Variants in EDIL3 observed in about 807,000 individuals in gnomAD.
EDIL3 encodes the protein EGF like and discoidin domains 3, also known as EGF-like repeat and discoidin I-like domain-containing protein 3.
A neutral mutation model predicts 67.4 loss-of-function variants in EDIL3; 37 were observed. The observed-to-expected ratio is 0.55, with a 90% confidence interval of 0.42 to 0.72. The LOEUF is 0.72. Ranked by LOEUF, EDIL3 falls within the 30% of genes least tolerant of loss-of-function variation. The pLI, the probability that EDIL3 is intolerant of heterozygous loss-of-function variation, is 0.00. For synonymous variants in EDIL3, 195 were observed against 196.3 expected, an observed-to-expected ratio of 0.99 and a Z score of 0.05; for missense variants, 527 against 586.3, an observed-to-expected ratio of 0.90 and a Z score of 1.04.
chr5:84,245,948 T>C (rs1009207676), intron 2 of EDIL3, among the ~76,000 whole-genome samples: 1 of 151,324 alleles, frequency 6.6e-6, no homozygotes, highest in African/African-American at 2.4e-5. Context: ...AGTTTTTCCT[T>C]AAGAGATTTT....
At chr5:84,166,149 T>C (rs1489211827) in intron 4 of EDIL3, among the ~76,000 whole-genome samples, 2 of 152,174 alleles carry the variant, frequency 1.3e-5, no homozygotes, top group Non-Finnish European at 2.9e-5. Flanking sequence ...AATCTTTATA[T>C]ACTACATGGC....
intron 2 of EDIL3, among the ~76,000 whole-genome samples, chr5:84,235,599 A>G (rs745575142): frequency 6.6e-6 from 1 of 152,086 alleles, no homozygotes; most frequent in Admixed American, 6.6e-5. Context: ...TTACATCCGT[A>G]GTTTTCAAAA....
At chr5:84,225,313 A>C (rs1744428033) in intron 3 of EDIL3, among the ~76,000 whole-genome samples, 2 of 151,686 alleles carry the variant, frequency 1.3e-5, no homozygotes, top group Admixed American at 1.3e-4. Flanking sequence ...AGAACTTGCT[A>C]TTTGCAAGGC....
chr5:84,096,059 A>G (rs1747257017), intron 6 of EDIL3, among the ~76,000 whole-genome samples: 1 of 152,226 alleles, frequency 6.6e-6, no homozygotes, highest in South Asian at 2.1e-4. Flanking sequence ...CAGAAGATGT[A>G]TGGAAATGCC....
intron 1 of EDIL3, among the ~76,000 whole-genome samples, chr5:84,264,409 G>A (rs181221537): frequency 1.1e-4 from 17 of 152,246 alleles, no homozygotes; most frequent in Non-Finnish European, 1.5e-4. Context: ...AAATGATGGA[G>A]GGAAAGTACT....
chr5:84,199,794 C>G (rs1743793573), intron 3 of EDIL3, among the ~76,000 whole-genome samples: 1 of 151,980 alleles, frequency 6.6e-6, no homozygotes, highest in South Asian at 2.1e-4. Flanking sequence ...AAAGGAAAAA[C>G]AGGCTTCCAT....
intron 10 of EDIL3, among the ~76,000 whole-genome samples, chr5:83,962,541 T>A (rs182838144): frequency 1.3e-5 from 2 of 151,604 alleles, no homozygotes; most frequent in Non-Finnish European, 3.0e-5. Context: ...AAGATAAAAA[T>A]TGTATGGCAT....
chr5:83,986,720 A>G (rs1745063343), intron 9 of EDIL3, among the ~76,000 whole-genome samples: 2 of 152,104 alleles, frequency 1.3e-5, no homozygotes, highest in Admixed American at 6.6e-5. Flanking sequence ...TGTAGAAGGG[A>G]CAGCCAGCAG....
chr5:84,384,368 G>A lies in EDIL3; in HGVS notation c.7C>T (p.Arg3Cys). The change falls in exon 1 of 11, where the codon CGC becomes TGC. Residue 3 changes from arginine (R) to cysteine (C), a missense_variant. Arg to Cys is a radical substitution (Grantham distance 180). Around this residue, in one of 2 missense-constraint regions of EDIL3, gnomAD observed 494 missense variants for 522.5 expected, o/e 0.95. Transcript: ENST00000296591. MK[R>C]SVAVWLLVGL... ...ACCAAGAGCCAGACGGCTACCGAGC[G>A]CTTCATGATCCCGTCTCCCGGACGT... is the stretch of plus-strand genomic sequence containing the variant. 1 of 1,612,560 alleles carries A rather than the reference G, an allele frequency of 6.2e-7. No homozygotes were observed. The highest frequency in any genetic ancestry group is 8.5e-7 in the Non-Finnish European group (1 of 1,179,378).
intron 9 of EDIL3, among the ~76,000 whole-genome samples, chr5:84,059,755 A>G (rs1294118253): frequency 1.3e-5 from 2 of 152,182 alleles, no homozygotes; most frequent in African/African-American, 4.8e-5. Context: ...TTTAAAAAGC[A>G]CTGACTGTAA....
intron 6 of EDIL3, among the ~76,000 whole-genome samples, chr5:84,074,539 G>C (rs1271213180): frequency 2.6e-5 from 4 of 152,008 alleles, no homozygotes; most frequent in African/African-American, 9.7e-5. Context: ...GTGGGCAAAG[G>C]ACATGAACAG....
chr5:84,097,346 A>G (rs2112274134), intron 6 of EDIL3, among the ~76,000 whole-genome samples: 1 of 152,348 alleles, frequency 6.6e-6, no homozygotes, highest in Admixed American at 6.5e-5. Flanking sequence ...GTATTATACT[A>G]TATCATACAC....
At chr5:83,993,743 A>G (rs1745189318) in intron 9 of EDIL3, among the ~76,000 whole-genome samples, 1 of 152,150 alleles carries the variant, frequency 6.6e-6, no homozygotes, top group Non-Finnish European at 1.5e-5. Flanking sequence ...CTTCCAAGGA[A>G]TTTAAATGTG....
intron 3 of EDIL3, among the ~76,000 whole-genome samples, chr5:84,191,635 A>T (rs347377): frequency 0.63 from 96,223 of 151,870 alleles, 31,000 homozygotes; most frequent in East Asian, 0.76. Context: ...TGTCAAACAG[A>T]ACATAATGAC....
intron 6 of EDIL3, among the ~76,000 whole-genome samples, chr5:84,094,152 T>A (rs1436737484): frequency 6.6e-6 from 1 of 152,166 alleles, no homozygotes; most frequent in Non-Finnish European, 1.5e-5. Flanking sequence ...GACAGAAGCA[T>A]TAAGACATCT....
At chr5:84,154,640 A>AATGTAC (rs894388861) in intron 4 of EDIL3, among the ~76,000 whole-genome samples, 8 of 150,910 alleles carry the variant, frequency 5.3e-5, no homozygotes, top group Admixed American at 5.3e-4. Context: ...TTTTTATTGA[A>AATGTAC]ATGTACTTCC....
At chr5:84,366,468 A>G (rs1443556462) in intron 1 of EDIL3, among the ~76,000 whole-genome samples, 2 of 152,160 alleles carry the variant, frequency 1.3e-5, no homozygotes, top group African/African-American at 4.8e-5. Context: ...TACTTTGTCT[A>G]ATGCTTACTT....
At chr5:84,158,665 A>C (rs1748537762) in intron 4 of EDIL3, among the ~76,000 whole-genome samples, 1 of 152,044 alleles carries the variant, frequency 6.6e-6, no homozygotes, top group Non-Finnish European at 1.5e-5. Context: ...ACATGGTAAA[A>C]TTGGATAGTT....
chr5:84,053,820 C>G (rs902803486), intron 9 of EDIL3, among the ~76,000 whole-genome samples: 6 of 152,126 alleles, frequency 3.9e-5, no homozygotes, highest in African/African-American at 1.2e-4. Flanking sequence ...GAATTAATAG[C>G]TTACCAACCA....
Sources: gnomAD v4.1 joint callset for allele counts (sites outside exome capture counted in the v4.1 genomes callset) on GRCh38, gnomAD v4.1.1 for gene constraint, gnomAD v4.1.1 regional missense constraint, MANE v1.5 for transcripts, NCBI Gene and HGNC (gene_info 2026-07-23, HGNC 2026-07-21) for gene names.